The following TMEM135 variants were observed in gnomAD, a reference collection of about 807,000 sequenced individuals.
TMEM135 encodes the protein peroxisomal membrane protein 52.
In TMEM135, 30 loss-of-function variants were observed where a neutral mutation model predicts 60.3. That is an observed-to-expected ratio of 0.50 (90% CI 0.37 to 0.68). TMEM135 has a LOEUF of 0.68. Among genes scored for constraint, TMEM135 ranks in the 30% least tolerant of loss-of-function variants. The pLI is 0.00. For missense variants in TMEM135, 468 were observed against 548.8 expected, an observed-to-expected ratio of 0.85 and a Z score of 1.47; for synonymous variants, 190 against 186.7, an observed-to-expected ratio of 1.02 and a Z score of -0.14.
At chr11:87,088,314 A>G (rs1468852642) in intron 3 of TMEM135, among the ~76,000 whole-genome samples, 3 of 152,148 alleles carry the variant, frequency 2.0e-5, no homozygotes, top group Admixed American at 6.5e-5. Context: ...GCCTTGGTAA[A>G]ACAACCAGTC....
intron 6 of TMEM135, among the ~76,000 whole-genome samples, chr11:87,278,288 G>A (rs1028020537): frequency 4.6e-5 from 7 of 151,796 alleles, no homozygotes; most frequent in Non-Finnish European, 1.0e-4. Context: ...TTCATAAAGT[G>A]TAATGTGTTT....
In TMEM135 at chr11:87,299,091, A is replaced by G. The variant is rs142275014; in HGVS notation, c.552-3205A>G. Among the ~76,000 whole-genome samples the G allele has an allele frequency of 1.0e-3, 157 of 152,330 alleles. 2 individuals carry two copies. The highest frequency in any genetic ancestry group is 3.6e-3 in the African/African-American group (151 of 41,582). On this transcript the variant is annotated intron_variant, in intron 7 of 14. Coordinates refer to ENST00000305494, the MANE Select transcript of TMEM135 (RefSeq NM_022918.4). The stretch of plus-strand genomic sequence containing the variant: ...CAATAAGAGCAAAAACTCCATCTCA[A>G]AAAAAACAAAACCAAAACCAAAAAA...
intron 6 of TMEM135, among the ~76,000 whole-genome samples, chr11:87,279,838 T>C (rs1322188457): frequency 1.3e-5 from 2 of 152,178 alleles, no homozygotes; most frequent in Non-Finnish European, 2.9e-5. Flanking sequence ...AGAACGACAT[T>C]ATAGCTGACT....
chr11:87,252,511 G>A (rs1432768000), intron 6 of TMEM135, among the ~76,000 whole-genome samples: 1 of 152,130 alleles, frequency 6.6e-6, no homozygotes, highest in Non-Finnish European at 1.5e-5. Context: ...AGTGGCTCAT[G>A]CCTGTAATCC....
chr11:87,166,093 A>G (rs1020611486), intron 5 of TMEM135, among the ~76,000 whole-genome samples: 1 of 151,660 alleles, frequency 6.6e-6, no homozygotes, highest in African/African-American at 2.4e-5. Flanking sequence ...TTGTGGCAAT[A>G]ATCAATAGCT....
intron 4 of TMEM135, among the ~76,000 whole-genome samples, chr11:87,104,254 A>C (rs530509635): frequency 6.6e-6 from 1 of 152,080 alleles, no homozygotes; most frequent in African/African-American, 2.4e-5. Context: ...CTGTGGGTTT[A>C]TTTATTTCTG....
At position 87,051,565 on chromosome 11, in the gene TMEM135, G is replaced by T. The variant is rs1272606721; in HGVS notation, c.141+13379G>T. ...CATAAGTGAACTCCCATTCACAATT[G>T]CTTCAAAGAGAATAAAATACCTAGG... is the stretch of plus-strand genomic sequence containing the variant. On this transcript the variant is annotated intron_variant, in intron 1 of 14. Transcript: ENST00000305494. Among the ~76,000 whole-genome samples the T allele has an allele frequency of 3.0e-5, 2 of 66,324 alleles. 1 individual carries two copies. Among genetic ancestry groups the T allele is most frequent in the Non-Finnish European group, 4.8e-5 (2 of 41,588 alleles). 43.5% of individuals were successfully genotyped at this position (66,324 alleles called of 152,430 possible).
chr11:87,162,269 C>T (rs1332546968), intron 5 of TMEM135, among the ~76,000 whole-genome samples: 3 of 151,650 alleles, frequency 2.0e-5, no homozygotes, highest in East Asian at 1.9e-4. Flanking sequence ...ATGTGCAGAA[C>T]GTGCAGGTTT....
intron 3 of TMEM135, among the ~76,000 whole-genome samples, chr11:87,090,843 C>T (rs914901533): frequency 6.6e-6 from 1 of 151,914 alleles, no homozygotes; most frequent in African/African-American, 2.4e-5. Context: ...CCTGACTTTT[C>T]GTTTAAAATG....
intron 5 of TMEM135, among the ~76,000 whole-genome samples, chr11:87,166,681 A>C (rs1939058379): frequency 6.6e-6 from 1 of 151,718 alleles, no homozygotes; most frequent in Admixed American, 6.6e-5. Flanking sequence ...TTTTGGTACC[A>C]GTACCATGCT....
intron 5 of TMEM135, among the ~76,000 whole-genome samples, chr11:87,159,857 T>C (rs1938819868): frequency 6.6e-6 from 1 of 152,182 alleles, no homozygotes; most frequent in Non-Finnish European, 1.5e-5. Context: ...GTAGATAATC[T>C]GTTTGAGAGT....
At chr11:87,118,569 C>G (rs977373901) in intron 4 of TMEM135, among the ~76,000 whole-genome samples, 1 of 152,044 alleles carries the variant, frequency 6.6e-6, no homozygotes, top group Non-Finnish European at 1.5e-5. Flanking sequence ...CTGCCTTAGC[C>G]TCCCAAGTAG....
At chr11:87,044,734 T>C (rs1222044765) in intron 1 of TMEM135, among the ~76,000 whole-genome samples, 1 of 152,064 alleles carries the variant, frequency 6.6e-6, no homozygotes, top group Admixed American at 6.5e-5. Context: ...AACTGCAAGT[T>C]CCACCTCCTG....
chr11:87,190,236 A>G (rs746098836), intron 5 of TMEM135, among the ~76,000 whole-genome samples: 11 of 152,182 alleles, frequency 7.2e-5, no homozygotes, highest in Non-Finnish European at 5.9e-5. Flanking sequence ...ATCTCTGTGA[A>G]GTACTGTCAC....
chr11:87,236,440 G>A (rs1940997122), intron 5 of TMEM135, among the ~76,000 whole-genome samples, 198 bp from the exon 6 acceptor site: 1 of 151,910 alleles, frequency 6.6e-6, no homozygotes. Context: ...GCTGTCTTGG[G>A]GCTCATGCAG....
chr11:87,143,573 T>A (rs1465032827), intron 4 of TMEM135, among the ~76,000 whole-genome samples: 2 of 152,182 alleles, frequency 1.3e-5, no homozygotes, highest in African/African-American at 2.4e-5. Context: ...AGAACATAAC[T>A]TAGTGAAAGG....
intron 6 of TMEM135, among the ~76,000 whole-genome samples, chr11:87,283,909 T>TTC (rs1942114993): frequency 6.6e-6 from 1 of 152,202 alleles, no homozygotes. Context: ...TTCTGTTTAA[T>TTC]TGAAAACATT....
At chr11:87,311,877 A>G (rs557981740) in intron 10 of TMEM135, among the ~76,000 whole-genome samples, 1 of 152,022 alleles carries the variant, frequency 6.6e-6, no homozygotes, top group South Asian at 2.1e-4. Flanking sequence ...ATTGTTTTAT[A>G]GTCTATGTTT....
chr11:87,240,986 T>A (rs554640870), intron 6 of TMEM135, among the ~76,000 whole-genome samples: 6 of 152,160 alleles, frequency 3.9e-5, no homozygotes, highest in Admixed American at 1.3e-4. Context: ...CATGGCAGTT[T>A]CAGTTAGAAA....
Sources: allele counts gnomAD v4.1 joint callset (sites outside exome capture counted in the v4.1 genomes callset), GRCh38; gene constraint gnomAD v4.1.1; transcripts MANE v1.5; gene names NCBI Gene and HGNC (gene_info 2026-07-23, HGNC 2026-07-21).